The following SLC15A1 variants were observed in gnomAD, a reference collection of about 807,000 sequenced individuals.
The protein encoded by SLC15A1 is Caco-2 oligopeptide transporter.
In SLC15A1, 83 loss-of-function variants were observed where a neutral mutation model predicts 92.9. The observed-to-expected ratio is 0.89, with a 90% CI of 0.75 to 1.07. The LOEUF (loss-of-function observed/expected upper bound fraction) is 1.07. SLC15A1 is among the 50% of genes least tolerant of loss of function. SLC15A1 has a pLI of 0.00. For synonymous variants in SLC15A1, 322 were observed against 318.2 expected (o/e 1.01, Z -0.13); for missense variants, 857 against 880.1 (o/e 0.97, Z 0.33).
At chr13:98,701,419 T>C (rs1014087502) in intron 18 of SLC15A1, among the ~76,000 whole-genome samples, 2 of 152,132 alleles carry the variant, frequency 1.3e-5, no homozygotes, top group African/African-American at 4.8e-5. Flanking sequence ...ATTGATTCTG[T>C]GAGCTTCTTT....
chr13:98,684,860 G>A lies in SLC15A1; in HGVS notation c.1991C>T (p.Ala664Val). The change falls in exon 23 of 23, where the codon GCC becomes GTC. Residue 664 changes from alanine to valine, a missense_variant. By Grantham distance (64) the Ala-to-Val change is moderately conservative (BLOSUM62 0). Transcript: ENST00000376503. The stretch of plus-strand genomic sequence containing the variant: ...GTAAGTATAGAACCGAGCCATGATG[G>A]CAAAAATTACACAGACGACCAGAAG... ...ALLLVVCVIF[A>V]IMARFYTYIN... 6.2e-7 allele frequency: 1 copy of A among 1,614,050 alleles called. No homozygotes were observed. Among genetic ancestry groups the A allele is most frequent in the Non-Finnish European group, 8.5e-7 (1 of 1,179,966 alleles).
intron 1 of SLC15A1, among the ~76,000 whole-genome samples, chr13:98,740,186 G>A (rs1332308731): frequency 2.0e-5 from 3 of 152,198 alleles, no homozygotes; most frequent in Admixed American, 6.5e-5. Flanking sequence ...GCAGGAGCTA[G>A]GGAGAGTGAA....
rs2088279212 is a variant in SLC15A1, at chr13:98,723,939, C to T, written c.338G>A (p.Gly113Asp). 1.7e-5 allele frequency: 28 copies of T among 1,613,964 alleles called. No homozygotes were observed. Among genetic ancestry groups the T allele is most frequent in the Non-Finnish European group, 2.4e-5 (28 of 1,180,008 alleles). Residue 113 changes from glycine to aspartate, a missense_variant, in exon 5 of 23, where the codon GGC (glycine) becomes GAC (aspartate). Coordinates refer to ENST00000376503, the MANE Select transcript of SLC15A1 (RefSeq NM_005073.4). ...GTGCACAGGAAGGCTGTCGGGGGTG[C>T]CATCATGGTTGTGGTCTGTGAGGTC... ...INDLTDHNHD[G>D]TPDSLPVHVV... is the part of the protein sequence containing the mutation.
intron 18 of SLC15A1, among the ~76,000 whole-genome samples, chr13:98,689,167 T>C (rs2087956275): frequency 6.6e-6 from 1 of 152,214 alleles, no homozygotes; most frequent in African/African-American, 2.4e-5. Flanking sequence ...CTTGAACTCA[T>C]GACCTCAGAC....
intron 1 of SLC15A1, among the ~76,000 whole-genome samples, chr13:98,738,606 A>C (rs1028257478): frequency 6.6e-6 from 1 of 152,270 alleles, no homozygotes; most frequent in Non-Finnish European, 1.5e-5. Context: ...TGGTTTCCAC[A>C]TGGTGTTAAG....
Position 98,735,168 on chromosome 13 carries a change from G to T in SLC15A1, c.5-8309C>A, listed in dbSNP as rs992098816. 1.2e-4 allele frequency among the ~76,000 whole-genome samples: 18 copies of T among 152,324 alleles called. 1 individual carries two copies. The highest frequency in any genetic ancestry group is 4.1e-4 in the African/African-American group (17 of 41,578). On this transcript the variant is annotated intron_variant, in intron 1 of 22. Transcript: ENST00000376503. ...ATCAAGTTGGCTTCATCCATGGGTT[G>T]CAAGGCTGGTTCAACATATGCAAAT...
At chr13:98,751,443 A>G (rs1034034934) in intron 1 of SLC15A1, among the ~76,000 whole-genome samples, 2 of 152,222 alleles carry the variant, frequency 1.3e-5, no homozygotes, top group Non-Finnish European at 2.9e-5. Flanking sequence ...TGATCAACAG[A>G]AATAGTTCAG....
At chr13:98,747,462 A>G (rs1000612099) in intron 1 of SLC15A1, among the ~76,000 whole-genome samples, 6 of 152,172 alleles carry the variant, frequency 3.9e-5, no homozygotes, top group African/African-American at 1.4e-4. Flanking sequence ...CACCATGGGG[A>G]ATAGAGTAGC....
intron 1 of SLC15A1, among the ~76,000 whole-genome samples, chr13:98,740,422 C>G (rs915335218): frequency 5.9e-5 from 9 of 152,274 alleles, no homozygotes. Context: ...TACTCCTAGG[C>G]CCGGCATTCA....
chr13:98,702,145 A>G (rs772528901), intron 18 of SLC15A1, among the ~76,000 whole-genome samples: 2 of 152,214 alleles, frequency 1.3e-5, no homozygotes, highest in Non-Finnish European at 2.9e-5. Context: ...ATGAAGCATA[A>G]TATCAGCTCA....
At chr13:98,687,454 G>A in intron 21 of SLC15A1, 127 bp downstream of exon 21, 2 of 1,105,840 alleles carry the variant, frequency 1.8e-6, no homozygotes, top group Non-Finnish European at 2.6e-6. Flanking sequence ...TTGCTGTAGG[G>A]AAGATACCAT....
intron 1 of SLC15A1, among the ~76,000 whole-genome samples, chr13:98,734,373 A>T (rs1306489802): frequency 1.3e-5 from 2 of 152,172 alleles, no homozygotes; most frequent in African/African-American, 4.8e-5. Context: ...AACACAGAAG[A>T]TGGCTGATTT....
intron 1 of SLC15A1, among the ~76,000 whole-genome samples, chr13:98,733,700 T>C (rs373025288): frequency 3.9e-5 from 6 of 152,254 alleles, no homozygotes; most frequent in South Asian, 2.1e-4. Flanking sequence ...ACATGGGCTT[T>C]TGGGAATCAG....
intron 18 of SLC15A1, among the ~76,000 whole-genome samples, chr13:98,702,172 C>T (rs1324111741): frequency 6.6e-6 from 1 of 152,132 alleles, no homozygotes; most frequent in African/African-American, 2.4e-5. Context: ...TGTAGATGTC[C>T]TTTTTCAGGG....
intron 1 of SLC15A1, among the ~76,000 whole-genome samples, chr13:98,738,315 A>G (rs1411765825): frequency 2.0e-5 from 3 of 152,260 alleles, no homozygotes; most frequent in Non-Finnish European, 2.9e-5. Flanking sequence ...CTTGCCAGAG[A>G]TATTTGCATA....
At chr13:98,741,415 C>T (rs2088443977) in intron 1 of SLC15A1, among the ~76,000 whole-genome samples, 1 of 152,162 alleles carries the variant, frequency 6.6e-6, no homozygotes, top group South Asian at 2.1e-4. Flanking sequence ...GAGCTTGAGA[C>T]CAGCCTGGCC....
intron 1 of SLC15A1, among the ~76,000 whole-genome samples, chr13:98,737,917 G>C (rs2088407525): frequency 6.6e-6 from 1 of 152,204 alleles, no homozygotes; most frequent in Non-Finnish European, 1.5e-5. Flanking sequence ...TAGTGACATG[G>C]ACTGTGAAGG....
intron 18 of SLC15A1, among the ~76,000 whole-genome samples, chr13:98,691,464 C>A (rs2087976070): frequency 6.6e-6 from 1 of 152,216 alleles, no homozygotes; most frequent in Admixed American, 6.5e-5. Context: ...CATGCATGCA[C>A]AAGTTTTTGT....
chr13:98,726,056 T>C, intron 4 of SLC15A1, 67 bp downstream of exon 4: 1 of 1,574,386 alleles, frequency 6.4e-7, no homozygotes, highest in South Asian at 1.2e-5. Context: ...GATTCCACCA[T>C]TCCCAACTAC....
Sources: allele counts gnomAD v4.1 joint callset (sites outside exome capture counted in the v4.1 genomes callset), GRCh38; gene constraint gnomAD v4.1.1; transcripts MANE v1.5; gene names NCBI Gene and HGNC (gene_info 2026-07-23, HGNC 2026-07-21).